Variants in AKR1C4 observed in about 807,000 individuals in gnomAD.
AKR1C4 encodes the protein 3-alpha-HSD1.
Under a neutral mutation model 41.0 loss-of-function variants are expected in AKR1C4, and 44 were observed. The ratio of observed to expected loss-of-function variants is 1.07; its 90% CI spans 0.84 to 1.38. AKR1C4 has a LOEUF of 1.38. Ranked by LOEUF, AKR1C4 falls within the 40% of genes most tolerant of loss-of-function variation. AKR1C4 has a pLI of 0.00. For synonymous variants in AKR1C4, 165 were observed against 137.7 expected (o/e 1.20, Z -1.39); for missense variants, 438 against 387.9 (o/e 1.13, Z -1.09).
chr10:5,210,683 C>T (rs1832561006), intron 5 of AKR1C4, among the ~76,000 whole-genome samples: 1 of 151,824 alleles, frequency 6.6e-6, no homozygotes, highest in South Asian at 2.1e-4. Context: ...GCTATCTCAG[C>T]TCACTGCAAC....
chr10:5,197,282 T>C (rs1011739606), intron 1 of AKR1C4, among the ~76,000 whole-genome samples: 1 of 152,224 alleles, frequency 6.6e-6, no homozygotes, highest in Non-Finnish European at 1.5e-5. Context: ...ATGACTGCAG[T>C]GAGAATGGTT....
intron 5 of AKR1C4, among the ~76,000 whole-genome samples, chr10:5,212,294 A>G (rs782198717): frequency 5.9e-5 from 9 of 152,168 alleles, no homozygotes; most frequent in Non-Finnish European, 1.3e-4. Flanking sequence ...TCTTTAAAGA[A>G]ATTCTTACAT....
chr10:5,198,754 C>T (rs1301528167), intron 1 of AKR1C4, among the ~76,000 whole-genome samples: 1 of 152,100 alleles, frequency 6.6e-6, no homozygotes, highest in African/African-American at 2.4e-5. Flanking sequence ...TGCCTGTAAT[C>T]CCAGAACTTT....
intron 1 of AKR1C4, among the ~76,000 whole-genome samples, chr10:5,197,572 G>T (rs1208671287): frequency 6.6e-6 from 1 of 152,154 alleles, no homozygotes; most frequent in Non-Finnish European, 1.5e-5. Flanking sequence ...TTAAATTTTT[G>T]GTCCGTGTTA....
chr10:5,213,207 C>T (rs782567440), intron 7 of AKR1C4, 48 bp downstream of exon 7: 50 of 1,601,298 alleles, frequency 3.1e-5, no homozygotes, highest in East Asian at 1.6e-4. Flanking sequence ...GTCCTTCACA[C>T]GTGTGCTTCT....
At chr10:5,204,626 G>A (rs782517385) in intron 3 of AKR1C4, 133 bp downstream of exon 3, 1 of 793,442 alleles carries the variant, frequency 1.3e-6, no homozygotes, top group Non-Finnish European at 2.3e-6. Context: ...TAATGCCTAA[G>A]CCATTTTCTT....
intron 5 of AKR1C4, among the ~76,000 whole-genome samples, chr10:5,212,054 A>G (rs1165830577): frequency 6.6e-6 from 1 of 152,200 alleles, no homozygotes; most frequent in Non-Finnish European, 1.5e-5. Flanking sequence ...AGAGCTACAA[A>G]ATGAGATTTG....
chr10:5,203,591 G>A (rs1334116654), intron 2 of AKR1C4, among the ~76,000 whole-genome samples: 2 of 152,198 alleles, frequency 1.3e-5, no homozygotes, highest in African/African-American at 2.4e-5. Context: ...TTTTTCATCT[G>A]TCTCACAGTG....
At chr10:5,212,823 A>G in intron 6 of AKR1C4, 98 bp downstream of exon 6, 1 of 1,422,456 alleles carries the variant, frequency 7.0e-7, no homozygotes, top group Non-Finnish European at 9.6e-7. Flanking sequence ...TCAATGGGTC[A>G]GGGTAAGGGG....
rs1346264527 is a variant in AKR1C4 at position 5,217,036 on chromosome 10, AG to A, written c.929+244del. On this transcript the variant is annotated intron_variant, in intron 8 of 8. Transcript: ENST00000263126. The stretch of plus-strand genomic sequence containing the variant: ...CTCTCCTGACTCCATGGAAATTTCC[AG>A]AGCAGCCAATATTATTGCTAAATCT... Among the ~76,000 whole-genome samples the A allele has an allele frequency of 2.2e-4, 34 of 152,354 alleles. 1 individual carries two copies. The highest frequency in any genetic ancestry group is 7.5e-4 in the African/African-American group (31 of 41,594).
chr10:5,203,568 T>C lies in AKR1C4; in HGVS notation c.253-809T>C, dbSNP rs537546274. ...GGCAGTTTCTCCCCTTCTCACACTC[T>C]GGGCACTTACAGTTTTTCATCTGTC... is the stretch of plus-strand genomic sequence containing the variant. On this transcript the variant is annotated intron_variant, in intron 2 of 8. Coordinates refer to ENST00000263126, the MANE Select transcript of AKR1C4 (RefSeq NM_001818.5). 8.0e-4 allele frequency among the ~76,000 whole-genome samples: 122 copies of C among 152,362 alleles called. No individual in the cohort carries two copies. The Middle Eastern group carries it at 0.024, about 30-fold the overall frequency.
At chr10:5,200,709 G>A (rs1832387895) in intron 2 of AKR1C4, among the ~76,000 whole-genome samples, 2 of 152,118 alleles carry the variant, frequency 1.3e-5, no homozygotes, top group Non-Finnish European at 1.5e-5. Context: ...GCTGTCAGGC[G>A]ATCACTGGAC....
intron 2 of AKR1C4, among the ~76,000 whole-genome samples, chr10:5,201,638 T>C (rs1230110126): frequency 6.6e-6 from 1 of 152,194 alleles, no homozygotes; most frequent in African/African-American, 2.4e-5. Flanking sequence ...TTTTTGTGCA[T>C]TTGCATTTTG....
chr10:5,203,387 C>G (rs1264308650), intron 2 of AKR1C4, among the ~76,000 whole-genome samples: 1 of 152,190 alleles, frequency 6.6e-6, no homozygotes, highest in Non-Finnish European at 1.5e-5. Flanking sequence ...TTCCCTCAGT[C>G]CATGCTGGAG....
intron 5 of AKR1C4, 63 bp from the exon 6 acceptor site, chr10:5,212,553 A>T (rs1832591515): frequency 2.2e-6 from 3 of 1,387,978 alleles, no homozygotes; most frequent in Admixed American, 2.1e-5. Context: ...AGCTTATTTT[A>T]ATCTTTATAT....
intron 8 of AKR1C4, among the ~76,000 whole-genome samples, chr10:5,217,644 C>T (rs1832674673): frequency 6.6e-6 from 1 of 152,184 alleles, no homozygotes; most frequent in African/African-American, 2.4e-5. Context: ...CCTGCAAATC[C>T]AGCTACTAAG....
intron 6 of AKR1C4, 39 bp downstream of exon 6, chr10:5,212,764 T>C: frequency 1.9e-6 from 3 of 1,594,502 alleles, no homozygotes; most frequent in Non-Finnish European, 2.6e-6. Flanking sequence ...AAATGCCATT[T>C]TGATGAAAAA....
chr10:5,200,097 C>T, intron 1 of AKR1C4, 84 bp from the exon 2 acceptor site: 6 of 1,537,680 alleles, frequency 3.9e-6, no homozygotes, highest in South Asian at 2.6e-5. Flanking sequence ...CACTGCACAC[C>T]CTGTGAGGAC....
chr10:5,196,970 G>T lies in AKR1C4; in HGVS notation c.84+19G>T. 1 of 1,610,380 alleles carries T rather than the reference G, an allele frequency of 6.2e-7. No individual in the cohort carries two copies. The highest frequency in any genetic ancestry group is 8.5e-7 in the Non-Finnish European group (1 of 1,176,626). ...TCCAGAGGTAATAATCACATTTTCAGCATTGAGCATTTAAAAGAGCAAAGC... is the reference window on the plus strand; with the variant it reads ...TCCAGAGGTAATAATCACATTTTCATCATTGAGCATTTAAAAGAGCAAAGC... On this transcript the variant is annotated intron_variant, in intron 1 of 8. Transcript: ENST00000263126.
Sources: allele counts gnomAD v4.1 joint callset (sites outside exome capture counted in the v4.1 genomes callset), GRCh38; gene constraint gnomAD v4.1.1; transcripts MANE v1.5; gene names NCBI Gene and HGNC (gene_info 2026-07-23, HGNC 2026-07-21).